The following EXT1 variants were observed in gnomAD, a reference collection of about 807,000 sequenced individuals.
EXT1 encodes the protein exostosin-1.
EXT1 carries 20 observed loss-of-function variants against 82.5 expected under a neutral mutation model. That is an observed-to-expected ratio of 0.24 (90% CI 0.17 to 0.35). The LOEUF is 0.35. EXT1 is among the 10% of genes least tolerant of loss of function. The pLI is 1.00. For missense variants in EXT1, 757 were observed against 936.5 expected (o/e 0.81, Z 2.50); for synonymous variants, 348 against 350.8 (o/e 0.99, Z 0.09).
rs76464509 is a variant in EXT1 at position 117,946,843 on chromosome 8, G to C, written c.963-109642C>G. Among the ~76,000 whole-genome samples, 755 of 152,286 alleles carry C rather than the reference G, an allele frequency of 5.0e-3. 2 individuals carry two copies. Among genetic ancestry groups the C allele is most frequent in the Non-Finnish European group, 8.6e-3 (585 of 68,014 alleles). ...TGGGGAAAGTGAAACTTATATGGAG[G>C]AATGAAACAGAATTGACTTCTGGCT... On this transcript the variant is annotated intron_variant, in intron 1 of 10. Transcript: ENST00000378204.
intron 1 of EXT1, among the ~76,000 whole-genome samples, chr8:118,003,573 C>CA (rs1265216917): frequency 4.6e-5 from 7 of 152,126 alleles, no homozygotes; most frequent in Middle Eastern, 3.2e-3. Flanking sequence ...ATAGCAAGCT[C>CA]AGATTCTGCC....
chr8:118,026,976 T>C (rs1365023058), intron 1 of EXT1, among the ~76,000 whole-genome samples: 1 of 152,190 alleles, frequency 6.6e-6, no homozygotes, highest in Admixed American at 6.5e-5. Flanking sequence ...CTCAGTGGCA[T>C]GTGCCTGTAG....
intron 1 of EXT1, among the ~76,000 whole-genome samples, chr8:117,929,512 T>C (rs1321849838): frequency 6.6e-6 from 1 of 152,224 alleles, no homozygotes; most frequent in Non-Finnish European, 1.5e-5. Context: ...GAGTAGGAAC[T>C]TAATATTTTT....
At chr8:117,988,703 C>A (rs1177675324) in intron 1 of EXT1, among the ~76,000 whole-genome samples, 1 of 152,002 alleles carries the variant, frequency 6.6e-6, no homozygotes, top group Non-Finnish European at 1.5e-5. Flanking sequence ...CCCATGCTGC[C>A]CCCAGGGAAG....
chr8:118,030,523 CCAGG>C (rs1196032096), intron 1 of EXT1, among the ~76,000 whole-genome samples: 1 of 152,004 alleles, frequency 6.6e-6, no homozygotes, highest in Non-Finnish European at 1.5e-5. Flanking sequence ...ACTCTGTTGC[CCAGG>C]CTGGAGTCCA....
chr8:117,948,146 G>A (rs1321569570), intron 1 of EXT1, among the ~76,000 whole-genome samples: 1 of 151,708 alleles, frequency 6.6e-6, no homozygotes, highest in Non-Finnish European at 1.5e-5. Context: ...TATGCCTAGG[G>A]CAATGTAAAA....
Position 117,968,553 on chromosome 8 carries a change from A to ATTTTTTTTTTTTTTTTTTTTTTTT in EXT1, c.963-131376_963-131353dup, listed in dbSNP as rs1182180428. ...TATTTATTTATTTATTTATTTATTT[A>ATTTTTTTTTTTTTTTTTTTTTTTT]TTTTTTTTTTTTTTTTTTTTTTTTT... On this transcript the variant is annotated intron_variant, in intron 1 of 10. Coordinates refer to ENST00000378204, the MANE Select transcript of EXT1 (RefSeq NM_000127.3). 1.8e-3 allele frequency among the ~76,000 whole-genome samples: 17 copies of ATTTTTTTTTTTTTTTTTTTTTTTT among 9,286 alleles called. 3 individuals carry two copies. Among genetic ancestry groups the ATTTTTTTTTTTTTTTTTTTTTTTT allele is most frequent in the South Asian group, 4.5e-3 (1 of 222 alleles). 6.1% of individuals were successfully genotyped at this position (9,286 alleles called of 152,430 possible).
intron 1 of EXT1, among the ~76,000 whole-genome samples, chr8:117,859,226 A>G (rs1240342862): frequency 6.6e-6 from 1 of 152,206 alleles, no homozygotes; most frequent in African/African-American, 2.4e-5. Context: ...CCAAACACAC[A>G]ATATCTCTGA....
intron 8 of EXT1, among the ~76,000 whole-genome samples, chr8:117,808,141 A>G (rs1017321198): frequency 3.3e-5 from 5 of 152,250 alleles, no homozygotes; most frequent in Admixed American, 2.6e-4. Context: ...TTAGCAAGTG[A>G]TCTGTTTTCA....
chr8:117,921,996 G>T (rs1465398327), intron 1 of EXT1, among the ~76,000 whole-genome samples: 8 of 149,540 alleles, frequency 5.3e-5, no homozygotes, highest in Non-Finnish European at 1.2e-4. Flanking sequence ...TTTAACTCCA[G>T]TTACAAAAAT....
chr8:117,899,963 G>A (rs1242664554), intron 1 of EXT1, among the ~76,000 whole-genome samples: 5 of 152,142 alleles, frequency 3.3e-5, no homozygotes, highest in African/African-American at 9.7e-5. Context: ...GAAGTTCTCC[G>A]TTCAACTACA....
chr8:118,092,974 T>C (rs1207049795), intron 1 of EXT1, among the ~76,000 whole-genome samples: 2 of 152,130 alleles, frequency 1.3e-5, no homozygotes, highest in African/African-American at 4.8e-5. Flanking sequence ...GTTCCAAAAG[T>C]GAGTATCTTA....
chr8:117,804,923 G>A, intron 9 of EXT1, 30 bp from the exon 10 acceptor site: 1 of 1,611,612 alleles, frequency 6.2e-7, no homozygotes, highest in East Asian at 2.2e-5. Flanking sequence ...GTTTCACAGG[G>A]GGCCATTATC....
At chr8:118,043,216 ACCAAATG>A (rs1816562889) in intron 1 of EXT1, among the ~76,000 whole-genome samples, 1 of 152,000 alleles carries the variant, frequency 6.6e-6, no homozygotes, top group Non-Finnish European at 1.5e-5. Context: ...GTGAAGCAAA[ACCAAATG>A]CCTGAAGCCA....
At chr8:117,840,112 A>G (rs1812250392) in intron 1 of EXT1, among the ~76,000 whole-genome samples, 1 of 152,212 alleles carries the variant, frequency 6.6e-6, no homozygotes, top group African/African-American at 2.4e-5. Flanking sequence ...TAAGGGGATA[A>G]TGACAAATAG....
chr8:118,073,630 GAAAGAAGAGAAGAGA>G (rs1158161835), intron 1 of EXT1, among the ~76,000 whole-genome samples: 3 of 123,528 alleles, frequency 2.4e-5, no homozygotes, highest in East Asian at 4.3e-4. Context: ...GAAGAGAAGA[GAAAGAAGAGAAGAGA>G]AGAGAAGAGA....
At chr8:118,072,110 C>T (rs377447183) in intron 1 of EXT1, among the ~76,000 whole-genome samples, 2 of 152,298 alleles carry the variant, frequency 1.3e-5, no homozygotes, top group African/African-American at 2.4e-5. Context: ...TTAGACTCCC[C>T]GCCTTGGTTC....
intron 1 of EXT1, among the ~76,000 whole-genome samples, chr8:118,041,075 A>G (rs1326325823): frequency 6.6e-6 from 1 of 152,252 alleles, no homozygotes; most frequent in African/African-American, 2.4e-5. Context: ...TTTAAACATT[A>G]CCTAATTTAT....
At chr8:118,084,357 C>T (rs564761488) in intron 1 of EXT1, among the ~76,000 whole-genome samples, 4 of 152,206 alleles carry the variant, frequency 2.6e-5, no homozygotes, top group Non-Finnish European at 5.9e-5. Context: ...TCACAGAGCA[C>T]AAAGTCTGTA....
Sources: gnomAD v4.1 joint callset for allele counts (sites outside exome capture counted in the v4.1 genomes callset) on GRCh38, gnomAD v4.1.1 for gene constraint, MANE v1.5 for transcripts, NCBI Gene and HGNC (gene_info 2026-07-23, HGNC 2026-07-21) for gene names.